Variants in OXR1 observed in about 807,000 individuals in gnomAD.
The protein encoded by OXR1 is oxidation resistance protein 1.
A neutral mutation model predicts 104.6 loss-of-function variants in OXR1; 41 were observed. That is an observed-to-expected ratio of 0.39 (90% confidence interval 0.31 to 0.51). The LOEUF is 0.51. OXR1 is among the 20% of genes least tolerant of loss of function. The probability of loss-of-function intolerance (pLI) is 0.77; values close to 1 mark genes in which losing one functional copy is unlikely to be tolerated. For missense variants in OXR1, 955 were observed against 1,031.9 expected (o/e 0.93, Z 1.02); for synonymous variants, 348 against 348.4 (o/e 1.00, Z 0.01).
chr8:106,522,902 G>A (rs1248220920), intron 3 of OXR1: 1 of 152,222 alleles, frequency 6.6e-6, no homozygotes, highest in African/African-American at 2.4e-5. Context: ...CTGCTCTGTA[G>A]TTCAGTCCAC....
chr8:106,739,730 C>A, intron 13 of OXR1, 147 bp downstream of exon 13: 1 of 675,272 alleles, frequency 1.5e-6, no homozygotes, highest in African/African-American at 1.8e-5. Flanking sequence ...CAAAACATAG[C>A]AACTAGTGTT....
chr8:106,550,375 G>A (rs1177759049), intron 3 of OXR1, among the ~76,000 whole-genome samples: 2 of 152,148 alleles, frequency 1.3e-5, no homozygotes, highest in African/African-American at 4.8e-5. Flanking sequence ...GCATGGCAGG[G>A]GAGGCCTCAT....
chr8:106,345,756 A>T (rs1416923256), intron 1 of OXR1, among the ~76,000 whole-genome samples: 3 of 152,200 alleles, frequency 2.0e-5, no homozygotes, highest in African/African-American at 7.2e-5. Context: ...TATTTTCCAC[A>T]TGTAAGACAA....
chr8:106,284,861 A>G (rs1812429823), intron 1 of OXR1, among the ~76,000 whole-genome samples: 1 of 152,110 alleles, frequency 6.6e-6, no homozygotes. Context: ...CTATTGCCAT[A>G]GCTTACTTGT....
chr8:106,341,055 C>T (rs1220294215), intron 1 of OXR1, among the ~76,000 whole-genome samples: 1 of 152,102 alleles, frequency 6.6e-6, no homozygotes, highest in African/African-American at 2.4e-5. Context: ...AAGCAGTCAA[C>T]ATATTTCAAC....
intron 2 of OXR1, among the ~76,000 whole-genome samples, chr8:106,481,292 T>G (rs1181029349): frequency 2.0e-5 from 3 of 151,998 alleles, no homozygotes; most frequent in South Asian, 4.1e-4. Flanking sequence ...TGCTACCTAC[T>G]TAATTCGGCA....
At chr8:106,698,498 C>G (rs1284905748) in intron 7 of OXR1, among the ~76,000 whole-genome samples, 1 of 152,116 alleles carries the variant, frequency 6.6e-6, no homozygotes, top group Non-Finnish European at 1.5e-5. Flanking sequence ...TCCTCTCTTT[C>G]CTCTTCTTTG....
intron 2 of OXR1, among the ~76,000 whole-genome samples, chr8:106,486,841 T>C (rs559371418): frequency 6.6e-6 from 1 of 152,112 alleles, no homozygotes; most frequent in East Asian, 1.9e-4. Context: ...CTTACTGAAA[T>C]GACAAGGTAG....
intron 11 of OXR1, among the ~76,000 whole-genome samples, chr8:106,736,993 T>G (rs539597995): frequency 6.6e-6 from 1 of 152,186 alleles, no homozygotes; most frequent in East Asian, 1.9e-4. Context: ...GGTTTTAAAA[T>G]GTACTTCTAT....
At chr8:106,321,298 A>C (rs886562240) in intron 1 of OXR1, among the ~76,000 whole-genome samples, 1 of 152,180 alleles carries the variant, frequency 6.6e-6, no homozygotes, top group Non-Finnish European at 1.5e-5. Flanking sequence ...CAAAGAAAAA[A>C]TGTAATGGAT....
At chr8:106,377,340 C>G (rs1016692268) in intron 2 of OXR1, among the ~76,000 whole-genome samples, 11 of 151,872 alleles carry the variant, frequency 7.2e-5, no homozygotes, top group African/African-American at 2.7e-4. Flanking sequence ...CACCACCACA[C>G]TTGCCTAATT....
chr8:106,296,077 C>T (rs1022247385), intron 1 of OXR1, among the ~76,000 whole-genome samples: 4 of 152,108 alleles, frequency 2.6e-5, no homozygotes, highest in African/African-American at 9.7e-5. Context: ...AGGAAAGATC[C>T]CAACTATCTC....
intron 8 of OXR1, among the ~76,000 whole-genome samples, chr8:106,705,510 T>A (rs1190413377): frequency 2.0e-5 from 3 of 152,286 alleles, no homozygotes; most frequent in Non-Finnish European, 2.9e-5. Context: ...AATCTTTCCT[T>A]TTCAGCATAT....
At chr8:106,407,144 A>G (rs1818276306) in intron 2 of OXR1, among the ~76,000 whole-genome samples, 1 of 152,100 alleles carries the variant, frequency 6.6e-6, no homozygotes, top group South Asian at 2.1e-4. Flanking sequence ...TTTTTGTGGA[A>G]ACATTTCAGA....
rs531053610 is a variant in OXR1 at position 106,594,983 on chromosome 8, G to A, written c.220+75844G>A. Among the ~76,000 whole-genome samples the A allele has an allele frequency of 1.2e-4, 19 of 152,344 alleles. No individual in the cohort carries two copies. The South Asian group carries it at 3.9e-3, about 32-fold the overall frequency. On this transcript the variant is annotated intron_variant, in intron 3 of 16. Coordinates refer to ENST00000517566, the MANE Select transcript of OXR1 (RefSeq NM_001198533.2). ...TGCAGATGCCTGCCCATTGCTGCTA[G>A]ATTTTTCAGTGGAAGTTGATGTTCT...
chr8:106,730,392 C>T (rs1833771767), intron 11 of OXR1, among the ~76,000 whole-genome samples: 1 of 151,842 alleles, frequency 6.6e-6, no homozygotes, highest in African/African-American at 2.4e-5. Context: ...AGCTATTTAT[C>T]ACTCATTCCC....
chr8:106,712,626 G>C (rs923396699), intron 10 of OXR1, among the ~76,000 whole-genome samples: 1 of 151,974 alleles, frequency 6.6e-6, no homozygotes, highest in Non-Finnish European at 1.5e-5. Context: ...TGTTGCTTTG[G>C]AAGACTACAG....
intron 3 of OXR1, among the ~76,000 whole-genome samples, chr8:106,584,179 G>A (rs879668209): frequency 8.6e-5 from 13 of 151,928 alleles, no homozygotes; most frequent in Admixed American, 3.9e-4. Flanking sequence ...CCCAGTAAAA[G>A]CTTTGAAGGA....
chr8:106,405,985 T>C (rs923694485), intron 2 of OXR1, among the ~76,000 whole-genome samples: 1 of 152,232 alleles, frequency 6.6e-6, no homozygotes, highest in Non-Finnish European at 1.5e-5. Flanking sequence ...CTCTATCTTA[T>C]ATACTGTATA....
Sources: gnomAD v4.1 joint callset for allele counts (sites outside exome capture counted in the v4.1 genomes callset) on GRCh38, gnomAD v4.1.1 for gene constraint, MANE v1.5 for transcripts, NCBI Gene and HGNC (gene_info 2026-07-23, HGNC 2026-07-21) for gene names.